The following ADAMTS2 variants were observed in gnomAD, a reference collection of about 807,000 sequenced individuals.
The protein encoded by ADAMTS2 is ADAM metallopeptidase with thrombospondin type 1 motif 2.
A neutral mutation model predicts 123.0 loss-of-function variants in ADAMTS2; 50 were observed. The ratio of observed to expected loss-of-function variants is 0.41; its 90% CI spans 0.32 to 0.51. The LOEUF (loss-of-function observed/expected upper bound fraction) is 0.51, where lower values mean the gene tolerates loss of function less well. Ranked by LOEUF, ADAMTS2 falls within the 20% of genes least tolerant of loss-of-function variation. The pLI is 0.35. For synonymous variants in ADAMTS2, 678 were observed against 695.4 expected, an observed-to-expected ratio of 0.98 and a Z score of 0.39; for missense variants, 1,494 against 1,705.2, an observed-to-expected ratio of 0.88 and a Z score of 2.18.
chr5:179,184,509 T>TCAAAAAAAAAAAAAAAAAAAAAAAAAAAA (rs1290290563), intron 4 of ADAMTS2, among the ~76,000 whole-genome samples: 1 of 91,416 alleles, frequency 1.1e-5, no homozygotes, highest in African/African-American at 4.6e-5. Flanking sequence ...AGACTCTGTC[T>TCAAAAAAAAAAAAAAAAAAAAAAAAAAAA]AAAAAAAAAA....
chr5:179,239,223 G>A (rs1377980757), intron 3 of ADAMTS2, among the ~76,000 whole-genome samples: 1 of 152,284 alleles, frequency 6.6e-6, no homozygotes, highest in African/African-American at 2.4e-5. Context: ...AAGGCTTGAC[G>A]CAAGTGACAA....
intron 4 of ADAMTS2, among the ~76,000 whole-genome samples, chr5:179,186,965 C>T (rs1764187107): frequency 6.6e-6 from 1 of 152,094 alleles, no homozygotes; most frequent in South Asian, 2.1e-4. Flanking sequence ...CCCAGCCCCT[C>T]GCCTGGCATT....
At chr5:179,120,952 A>C (rs1346899501) in intron 21 of ADAMTS2, 1 of 152,210 alleles carries the variant, frequency 6.6e-6, no homozygotes, top group Non-Finnish European at 1.5e-5. Flanking sequence ...GCAAAAAAGC[A>C]ATAAAAATTG....
At chr5:179,329,339 AAAAAC>A (rs1757419783) in intron 2 of ADAMTS2, among the ~76,000 whole-genome samples, 1 of 151,106 alleles carries the variant, frequency 6.6e-6, no homozygotes, top group Admixed American at 6.6e-5. Flanking sequence ...AAAAAAAAAA[AAAAAC>A]AAAACAAAAC....
intron 3 of ADAMTS2, among the ~76,000 whole-genome samples, chr5:179,248,309 T>G (rs534744086): frequency 6.6e-6 from 1 of 151,884 alleles, no homozygotes; most frequent in South Asian, 2.1e-4. Flanking sequence ...GAAGGAAATA[T>G]TTGAGGAATT....
At chr5:179,121,780 C>T in intron 20 of ADAMTS2, 30 bp from the exon 21 acceptor site, 1 of 1,483,978 alleles carries the variant, frequency 6.7e-7, no homozygotes, top group Non-Finnish European at 9.1e-7. Flanking sequence ...GCTGCGGCCG[C>T]AGGGCACCAG....
chr5:179,154,673 C>CGCTGGGCAGT, intron 7 of ADAMTS2, 141 bp downstream of exon 7: 3 of 707,778 alleles, frequency 4.2e-6, no homozygotes, highest in Non-Finnish European at 7.3e-6. Flanking sequence ...CACTGCCCAG[C>CGCTGGGCAGT]GCTGGGAAGA....
chr5:179,329,313 T>C (rs370090063), intron 2 of ADAMTS2, among the ~76,000 whole-genome samples: 44 of 129,404 alleles, frequency 3.4e-4, no homozygotes, highest in Non-Finnish European at 5.2e-4. Context: ...GGCAACAGAG[T>C]GAGACTCCGT....
At chr5:179,325,117 C>T (rs1463103779) in intron 2 of ADAMTS2, among the ~76,000 whole-genome samples, 3 of 152,208 alleles carry the variant, frequency 2.0e-5, no homozygotes, top group Non-Finnish European at 4.4e-5. Context: ...CTGTTTCCAA[C>T]GTGGGCAGAG....
chr5:179,218,492 C>T (rs973643658), intron 3 of ADAMTS2, among the ~76,000 whole-genome samples: 1 of 152,232 alleles, frequency 6.6e-6, no homozygotes, highest in Non-Finnish European at 1.5e-5. Context: ...CAGCACAGAG[C>T]CCCACTGGTG....
chr5:179,260,862 G>A lies in ADAMTS2; in HGVS notation c.688+12049C>T, dbSNP rs535495182. Among the ~76,000 whole-genome samples the A allele has an allele frequency of 5.1e-4, 77 of 152,188 alleles. No individual in the cohort carries two copies. Among genetic ancestry groups the A allele is most frequent in the African/African-American group, 1.7e-3 (70 of 41,536 alleles). On this transcript the variant is annotated intron_variant, in intron 3 of 21. Coordinates refer to ENST00000251582, the MANE Select transcript of ADAMTS2 (RefSeq NM_014244.5). The surrounding 1 kb of genome is among the most constrained non-coding windows in gnomAD (Gnocchi z 4.2). ...TCCCTGCTGTTCCCGCTACTGCTTG[G>A]ACAGTGGTAGCCCTGCACCTTAGTT... is the stretch of plus-strand genomic sequence containing the variant.
chr5:179,274,305 T>C (rs1766631618), intron 2 of ADAMTS2, among the ~76,000 whole-genome samples: 5 of 152,228 alleles, frequency 3.3e-5, no homozygotes, highest in African/African-American at 1.2e-4. Flanking sequence ...CACAAGCTTA[T>C]GACCCATGCA....
chr5:179,194,271 G>A (rs556396165), intron 4 of ADAMTS2, among the ~76,000 whole-genome samples: 2 of 152,132 alleles, frequency 1.3e-5, no homozygotes, highest in African/African-American at 2.4e-5. Flanking sequence ...ACCCCTGTTC[G>A]AGTGTTCCCC....
At chr5:179,169,573 G>A (rs1763775106) in intron 5 of ADAMTS2, among the ~76,000 whole-genome samples, 1 of 152,144 alleles carries the variant, frequency 6.6e-6, no homozygotes, top group African/African-American at 2.4e-5. Context: ...AGATGCTCAG[G>A]AGGACAGGGG....
rs1762933022 is a variant in ADAMTS2 at position 179,130,154 on chromosome 5, C to A, written c.2291-56G>T. On this transcript the variant is annotated intron_variant, in intron 15 of 21. Coordinates refer to ENST00000251582, the MANE Select transcript of ADAMTS2 (RefSeq NM_014244.5). This position sits in a 1 kb window ranked among gnomAD's most constrained non-coding sequence, Gnocchi z 4.3. ...TGGTCACCCAAGAGCAGGACCCAGG[C>A]CCACTGGTTTGGGCTGGTCGGGGAG... The A allele has an allele frequency of 2.5e-6, 4 of 1,610,088 alleles. No homozygotes were observed. Among genetic ancestry groups the A allele is most frequent in the Non-Finnish European group, 3.4e-6 (4 of 1,177,776 alleles).
chr5:179,199,627 T>C (rs1764515469), intron 4 of ADAMTS2, among the ~76,000 whole-genome samples: 1 of 152,126 alleles, frequency 6.6e-6, no homozygotes, highest in South Asian at 2.1e-4. Context: ...CCCTTCCTGC[T>C]GGGGGTGCAC....
rs139598137 is a variant in ADAMTS2 at position 179,128,684 on chromosome 5, C to T, written c.2458-566G>A. 4.3e-3 allele frequency among the ~76,000 whole-genome samples: 655 copies of T among 152,270 alleles called. 4 individuals are homozygous for T. The highest frequency in any genetic ancestry group is 5.9e-3 in the Non-Finnish European group (403 of 68,014). ...CTGGGATTACAGGCATGAGCCACTG[C>T]GCCTGGCCTATGTGTGAGTCTGTTT... On this transcript the variant is annotated intron_variant, in intron 16 of 21. Transcript: ENST00000251582. This position sits in a 1 kb window ranked among gnomAD's most constrained non-coding sequence, Gnocchi z 4.9.
intron 2 of ADAMTS2, among the ~76,000 whole-genome samples, chr5:179,290,022 G>C (rs147604643): frequency 6.6e-6 from 1 of 152,190 alleles, no homozygotes; most frequent in Non-Finnish European, 1.5e-5. Context: ...ACATGAGTCG[G>C]AAGACTGACA....
At chr5:179,212,615 T>C (rs1378280727) in intron 3 of ADAMTS2, among the ~76,000 whole-genome samples, 2 of 135,790 alleles carry the variant, frequency 1.5e-5, no homozygotes, top group Non-Finnish European at 3.1e-5. Context: ...AGTGGGCAGG[T>C]GTGGGCCCTG....
Sources: allele counts gnomAD v4.1 joint callset (sites outside exome capture counted in the v4.1 genomes callset), GRCh38; gene constraint gnomAD v4.1.1; non-coding constraint Gnocchi (gnomAD v3.1); transcripts MANE v1.5; gene names NCBI Gene and HGNC (gene_info 2026-07-23, HGNC 2026-07-21).